POC1B: variants seen among roughly 807,000 people sequenced by gnomAD.
The protein encoded by POC1B is POC1 centriolar protein B.
A neutral mutation model predicts 60.6 loss-of-function variants in POC1B; 44 were observed. The ratio of observed to expected loss-of-function variants is 0.73; its 90% CI spans 0.57 to 0.93. The LOEUF is 0.93. POC1B is among the 40% of genes least tolerant of loss of function. POC1B has a pLI of 0.00. For missense variants in POC1B, 555 were observed against 572.3 expected (o/e 0.97, Z 0.31); for synonymous variants, 180 against 198.9 (o/e 0.90, Z 0.80).
intron 10 of POC1B, among the ~76,000 whole-genome samples, chr12:89,435,835 A>C (rs1881234797): frequency 6.6e-6 from 1 of 152,218 alleles, no homozygotes; most frequent in Non-Finnish European, 1.5e-5. Flanking sequence ...CTTTTACTTT[A>C]TAATCAGAAT....
the POC1B span, among the ~76,000 whole-genome samples, chr12:89,412,873 T>C: frequency 6.8e-6 from 1 of 146,102 alleles, no homozygotes. Flanking sequence ...CCTTCCTTCC[T>C]CCCTTCCTTA....
At position 89,438,478 on chromosome 12, in the gene POC1B, CAAACAAA is replaced by C. The variant is rs988951406; in HGVS notation, c.1114-13106_1114-13100del. Among the ~76,000 whole-genome samples, 29 of 152,258 alleles carry C rather than the reference CAAACAAA, an allele frequency of 1.9e-4. No homozygotes were observed. The Middle Eastern group carries it at 0.017, about 89-fold the overall frequency. ...TCTCAAAAACAAACAAACAAACAAA[CAAACAAA>C]AAGCTCTTCAAAAGGTTAGCAATAA... is the stretch of plus-strand genomic sequence containing the variant. On this transcript the variant is annotated intron_variant, in intron 10 of 11. Coordinates refer to ENST00000313546, the MANE Select transcript of POC1B (RefSeq NM_172240.3).
At chr12:89,413,902 T>A in the POC1B span, among the ~76,000 whole-genome samples, 6 of 151,156 alleles carry the variant, frequency 4.0e-5, no homozygotes, top group Non-Finnish European at 8.8e-5. Context: ...TTATTTATTT[T>A]TTCTTTTCAG....
At chr12:89,459,588 T>C in intron 10 of POC1B, 50 bp downstream of exon 10, 1 of 1,087,208 alleles carries the variant, frequency 9.2e-7, no homozygotes, top group Non-Finnish European at 1.3e-6. Flanking sequence ...TTATGCCAAA[T>C]GATTAAATGC....
Position 89,525,903 on chromosome 12 carries a change from G to A in POC1B, c.-8C>T, listed in dbSNP as rs76777214. 1.4e-3 allele frequency: 2,093 copies of A among 1,483,726 alleles called. 28 individuals are homozygous for A. In the African/African-American group the frequency reaches 0.025, roughly 18 times the overall value. The allele number at this position is 1,483,726 out of a possible 1,614,324, so 91.9% of individuals were successfully genotyped here. On this transcript the variant is annotated 5_prime_UTR_variant, in exon 1 of 12. Transcript: ENST00000313546. The stretch of plus-strand genomic sequence containing the variant: ...TACCGTGGCTGAGGCCATCGGGGGA[G>A]TGGTCGGCCCAAGGCTCCTGTGGGT...
intron 10 of POC1B, among the ~76,000 whole-genome samples, chr12:89,459,385 A>C: frequency 6.8e-6 from 1 of 146,472 alleles, no homozygotes; most frequent in Admixed American, 6.9e-5. Flanking sequence ...CGTTGTGCAC[A>C]TGTACCCTAA....
intron 2 of POC1B, among the ~76,000 whole-genome samples, chr12:89,507,876 C>T (rs1373560906): frequency 3.9e-5 from 6 of 152,244 alleles, no homozygotes; most frequent in Non-Finnish European, 7.3e-5. Context: ...CTTAGAGGCT[C>T]TGTCTGGAAC....
intron 3 of POC1B, among the ~76,000 whole-genome samples, chr12:89,495,101 T>C (rs995919926): frequency 6.6e-6 from 1 of 152,208 alleles, no homozygotes; most frequent in Non-Finnish European, 1.5e-5. Context: ...TACTAAGACA[T>C]GATTTAGAAA....
the POC1B span, among the ~76,000 whole-genome samples, chr12:89,405,561 G>C: frequency 6.6e-6 from 1 of 151,928 alleles, no homozygotes; most frequent in Non-Finnish European, 1.5e-5. Context: ...TTTAATATCT[G>C]AAAAAAAGTA....
At chr12:89,494,214 T>TA (rs1869128575) in intron 3 of POC1B, among the ~76,000 whole-genome samples, 8 of 151,618 alleles carry the variant, frequency 5.3e-5, no homozygotes, top group Non-Finnish European at 8.8e-5. Context: ...TAATTTTATT[T>TA]TTTTATTTTT....
chr12:89,424,211 GT>G (rs1332784252), intron 11 of POC1B, among the ~76,000 whole-genome samples: 1 of 151,872 alleles, frequency 6.6e-6, no homozygotes, highest in Non-Finnish European at 1.5e-5. Flanking sequence ...TAAATTAGTG[GT>G]TTTCAACACT....
At chr12:89,412,839 C>CT in the POC1B span, among the ~76,000 whole-genome samples, 11 of 125,482 alleles carry the variant, frequency 8.8e-5, no homozygotes, top group Non-Finnish European at 1.7e-4. Context: ...TCCTTCCTTC[C>CT]TTCCTTCCTT....
chr12:89,513,156 T>G (rs530458936), intron 2 of POC1B, among the ~76,000 whole-genome samples: 3 of 152,252 alleles, frequency 2.0e-5, no homozygotes, highest in African/African-American at 4.8e-5. Flanking sequence ...TAGTTTAGCT[T>G]TTGTAATTTT....
chr12:89,432,977 C>T (rs1592581754), intron 10 of POC1B, among the ~76,000 whole-genome samples: 1 of 152,002 alleles, frequency 6.6e-6, no homozygotes, highest in South Asian at 2.1e-4. Flanking sequence ...GACTACTGGC[C>T]CAGAAGTCAA....
intron 4 of POC1B, among the ~76,000 whole-genome samples, chr12:89,473,814 T>C (rs1883002557): frequency 6.6e-6 from 1 of 152,034 alleles, no homozygotes; most frequent in Admixed American, 6.6e-5. Flanking sequence ...TGAAGGGCAG[T>C]ATTATAAAAA....
intron 2 of POC1B, among the ~76,000 whole-genome samples, chr12:89,515,658 A>C (rs1341852106): frequency 6.6e-6 from 1 of 152,158 alleles, no homozygotes; most frequent in Non-Finnish European, 1.5e-5. Flanking sequence ...CCTCCTCAGC[A>C]ACCCATTCTG....
At chr12:89,440,710 G>A (rs982088832) in intron 10 of POC1B, among the ~76,000 whole-genome samples, 4 of 152,326 alleles carry the variant, frequency 2.6e-5, no homozygotes, top group South Asian at 2.1e-4. Context: ...CGTGAGCAAC[G>A]CAGAAGACGG....
intron 2 of POC1B, chr12:89,524,493 T>C (rs773306043): frequency 4.3e-6 from 7 of 1,612,962 alleles, no homozygotes; most frequent in African/African-American, 1.3e-5. Flanking sequence ...TATAGGCCAC[T>C]GTTAAAAACG....
At chr12:89,414,444 G>A in the POC1B span, among the ~76,000 whole-genome samples, 1 of 152,178 alleles carries the variant, frequency 6.6e-6, no homozygotes, top group Non-Finnish European at 1.5e-5. Flanking sequence ...CTCTTGGCAA[G>A]CCATTGACCT....
Sources: gnomAD v4.1 joint callset for allele counts (sites outside exome capture counted in the v4.1 genomes callset) on GRCh38, gnomAD v4.1.1 for gene constraint, MANE v1.5 for transcripts, NCBI Gene and HGNC (gene_info 2026-07-23, HGNC 2026-07-21) for gene names.